The following CFAP221 variants were observed in gnomAD, a reference collection of about 807,000 sequenced individuals.
The protein encoded by CFAP221 is cilia and flagella associated protein 221.
CFAP221 carries 97 observed loss-of-function variants against 113.1 expected under a neutral mutation model. The observed-to-expected ratio is 0.86, with a 90% CI of 0.73 to 1.02. CFAP221 has a LOEUF of 1.02. CFAP221 is among the 50% of genes least tolerant of loss of function. The pLI is 0.00. For missense variants in CFAP221, 1,025 were observed against 1,013.4 expected, an observed-to-expected ratio of 1.01 and a Z score of -0.16; for synonymous variants, 331 against 354.4, an observed-to-expected ratio of 0.93 and a Z score of 0.74.
intron 2 of CFAP221, among the ~76,000 whole-genome samples, 177 bp downstream of exon 2, chr2:119,546,447 T>G (rs1680057530): frequency 6.6e-6 from 1 of 152,110 alleles, no homozygotes; most frequent in Non-Finnish European, 1.5e-5. Context: ...AACTGATAGG[T>G]TTTTGTGGGG....
intron 8 of CFAP221, among the ~76,000 whole-genome samples, chr2:119,604,435 A>G (rs1435179781): frequency 1.3e-5 from 2 of 152,066 alleles, no homozygotes; most frequent in African/African-American, 2.4e-5. Context: ...TCCATCTCAA[A>G]AAAAAAGAAT....
chr2:119,609,885 T>G (rs776713758), intron 12 of CFAP221, among the ~76,000 whole-genome samples: 8 of 152,220 alleles, frequency 5.3e-5, no homozygotes, highest in East Asian at 1.9e-4. Context: ...CAACTAGATA[T>G]TTAAATAAAT....
At chr2:119,564,217 T>G (rs1382408814) in intron 6 of CFAP221, among the ~76,000 whole-genome samples, 2 of 152,122 alleles carry the variant, frequency 1.3e-5, no homozygotes, top group Non-Finnish European at 2.9e-5. Context: ...GTCCTTCTTT[T>G]TCAGTACAAC....
Position 119,629,893 on chromosome 2 carries a change from C to A in CFAP221, c.1669C>A (p.Leu557Met). Residue 557 changes from leucine to methionine, a missense_variant, in exon 17 of 24, where the codon CTG (leucine) becomes ATG (methionine). Leu to Met is a conservative substitution (Grantham distance 15, BLOSUM62 2). Coordinates refer to ENST00000413369, the MANE Select transcript of CFAP221 (RefSeq NM_001271049.2). ...ATTTTAGGCTCCTGATGGCCTTGGA[C>A]TGGTCCCAATTAAGTCTTCAGAAGT... ...SNELAPDGLGLVPIKSSEVQI... is the reference protein window; with the variant it reads ...SNELAPDGLGMVPIKSSEVQI... 1 of 1,613,460 alleles carries A rather than the reference C, an allele frequency of 6.2e-7. No homozygotes were observed.
intron 19 of CFAP221, 138 bp from the exon 20 acceptor site, chr2:119,638,121 C>A: frequency 1.2e-6 from 1 of 816,936 alleles, no homozygotes; most frequent in Non-Finnish European, 1.8e-6. Context: ...TCCTGCTTCT[C>A]TTTTCCAGAC....
At chr2:119,571,082 C>CA (rs1558922892) in intron 6 of CFAP221, among the ~76,000 whole-genome samples, 1 of 144,638 alleles carries the variant, frequency 6.9e-6, no homozygotes, top group Non-Finnish European at 1.5e-5. Context: ...CCAAAAAATA[C>CA]AAAAAAGTTA....
intron 3 of CFAP221, among the ~76,000 whole-genome samples, chr2:119,556,497 T>C (rs143684743): frequency 1.3e-5 from 2 of 152,268 alleles, no homozygotes; most frequent in East Asian, 3.9e-4. Context: ...AAATTGGATC[T>C]ATGTTGTTTT....
At chr2:119,577,070 T>G (rs1416713482) in intron 6 of CFAP221, among the ~76,000 whole-genome samples, 1 of 152,240 alleles carries the variant, frequency 6.6e-6, no homozygotes, top group African/African-American at 2.4e-5. Flanking sequence ...TCCCATAGAC[T>G]GGGAGGCTTA....
At chr2:119,631,537 C>T (rs1307261176) in intron 19 of CFAP221, among the ~76,000 whole-genome samples, 2 of 151,942 alleles carry the variant, frequency 1.3e-5, no homozygotes, top group Non-Finnish European at 2.9e-5. Context: ...TAGCCAAACG[C>T]GGTGGCACCT....
intron 21 of CFAP221, 112 bp from the exon 22 acceptor site, chr2:119,646,846 A>G: frequency 1.1e-6 from 1 of 883,168 alleles, no homozygotes; most frequent in Non-Finnish European, 1.7e-6. Flanking sequence ...GGGAGGACAG[A>G]GTAGTAGAGG....
chr2:119,608,399 C>G (rs1039684640), intron 11 of CFAP221, 103 bp from the exon 12 acceptor site: 2 of 809,024 alleles, frequency 2.5e-6, no homozygotes, highest in Non-Finnish European at 3.9e-6. Context: ...TCCAGCATCT[C>G]AGGGTTCCTT....
chr2:119,634,549 C>T (rs1686997887), intron 19 of CFAP221, among the ~76,000 whole-genome samples: 1 of 152,042 alleles, frequency 6.6e-6, no homozygotes, highest in African/African-American at 2.4e-5. Flanking sequence ...TTCACAATAG[C>T]TAAGATGTGG....
chr2:119,592,535 A>G (rs1274666370), intron 7 of CFAP221, among the ~76,000 whole-genome samples: 1 of 152,184 alleles, frequency 6.6e-6, no homozygotes, highest in Non-Finnish European at 1.5e-5. Context: ...TGCTGTAGCT[A>G]TTTAGTTCCT....
chr2:119,622,996 A>G (rs746003529), intron 14 of CFAP221, among the ~76,000 whole-genome samples: 1 of 152,226 alleles, frequency 6.6e-6, no homozygotes, highest in Non-Finnish European at 1.5e-5. Flanking sequence ...CCTATTCAAC[A>G]TAGCGTTGGA....
rs763021391 is a variant in CFAP221 at position 119,625,636 on chromosome 2, CAA to C, written c.1466_1467del (p.Lys489ArgfsTer32). The C allele has an allele frequency of 6.2e-7, 1 of 1,613,846 alleles. No individual in the cohort carries two copies. The highest frequency in any genetic ancestry group is 1.7e-5 in the Admixed American group (1 of 60,004). ...NMLSAVREMD[K>X]ESILRKIGQA... is the part of the protein sequence containing the mutation. ...TGCTGAGTGCTGTTCGTGAAATGGACAAAGAGAGTATACTGAGAAAGATTGGC... is the reference window on the plus strand; with the variant it reads ...TGCTGAGTGCTGTTCGTGAAATGGACAGAGAGTATACTGAGAAAGATTGGC... On this transcript the variant is annotated frameshift_variant, in exon 15 of 24. Transcript: ENST00000413369. LOFTEE classifies it high-confidence loss of function.
At position 119,605,163 on chromosome 2, in the gene CFAP221, G is replaced by A. The variant is rs372472009; in HGVS notation, c.1025-18G>A. On this transcript the variant is annotated intron_variant, in intron 10 of 23. Coordinates refer to ENST00000413369, the MANE Select transcript of CFAP221 (RefSeq NM_001271049.2). ...TAATCTGATTACTGGTATAAACATT[G>A]TCTGCTCCTGCCTTCAGTTTTGGAC... The A allele has an allele frequency of 1.3e-5, 20 of 1,595,170 alleles. No individual in the cohort carries two copies. The highest frequency in any genetic ancestry group is 5.0e-5 in the Admixed American group (3 of 59,882).
At chr2:119,579,074 A>T (rs1450741899) in intron 6 of CFAP221, among the ~76,000 whole-genome samples, 3 of 152,178 alleles carry the variant, frequency 2.0e-5, no homozygotes, top group Admixed American at 2.0e-4. Flanking sequence ...TTTTATTCAA[A>T]TAAGGGATAA....
intron 19 of CFAP221, among the ~76,000 whole-genome samples, chr2:119,635,923 A>G (rs1574200943): frequency 1.3e-5 from 2 of 152,368 alleles, no homozygotes; most frequent in South Asian, 4.1e-4. Context: ...ATAAAGGCAC[A>G]TCAAGAAAAG....
chr2:119,608,617 T>C, intron 12 of CFAP221, 28 bp downstream of exon 12: 1 of 1,564,582 alleles, frequency 6.4e-7, no homozygotes. Flanking sequence ...TTTGCTATCA[T>C]TTGTTTCGCT....
Sources: allele counts gnomAD v4.1 joint callset (sites outside exome capture counted in the v4.1 genomes callset), GRCh38; gene constraint gnomAD v4.1.1; transcripts MANE v1.5; gene names NCBI Gene and HGNC (gene_info 2026-07-23, HGNC 2026-07-21).